The following EFHD1 variants were observed in gnomAD, a reference collection of about 807,000 sequenced individuals.
EFHD1 encodes the protein EF-hand domain family member D1.
A neutral mutation model predicts 17.2 loss-of-function variants in EFHD1; 10 were observed. The observed-to-expected ratio is 0.58, with a 90% CI of 0.36 to 0.99. The LOEUF (loss-of-function observed/expected upper bound fraction) is 0.99, where lower values mean the gene tolerates loss of function less well. Among genes scored for constraint, EFHD1 ranks in the 50% least tolerant of loss-of-function variants. The pLI is 0.01. For synonymous variants in EFHD1, 153 were observed against 142.0 expected, an observed-to-expected ratio of 1.08 and a Z score of -0.55; for missense variants, 310 against 327.5, an observed-to-expected ratio of 0.95 and a Z score of 0.41.
At chr2:232,644,052 T>C (rs1694480866) in intron 1 of EFHD1, among the ~76,000 whole-genome samples, 1 of 152,150 alleles carries the variant, frequency 6.6e-6, no homozygotes, top group South Asian at 2.1e-4. Flanking sequence ...GTGTGTGCAG[T>C]TGGTGCTGAG....
rs536585353 is a variant in EFHD1 at position 232,662,191 on chromosome 2, T to C, written c.303-611T>C. Among the ~76,000 whole-genome samples the C allele has an allele frequency of 3.3e-5, 5 of 152,160 alleles. No homozygotes were observed. In the South Asian group the frequency reaches 1.0e-3, roughly 32 times the overall value. On this transcript the variant is annotated intron_variant, in intron 1 of 3. Transcript: ENST00000264059. Reference sequence around the variant, plus strand: ...CCAGTCAGCAGAGGGGTGGCCCTGTTAGAGGACAGAGTCAGAGCCCTCTTG... The same window carrying C: ...CCAGTCAGCAGAGGGGTGGCCCTGTCAGAGGACAGAGTCAGAGCCCTCTTG...
intron 3 of EFHD1, among the ~76,000 whole-genome samples, chr2:232,675,612 G>A (rs1695158348): frequency 1.3e-5 from 2 of 152,204 alleles, no homozygotes. Context: ...GTGCAGGGGA[G>A]CCGTTGAGTG....
chr2:232,673,069 A>G (rs906775453), intron 3 of EFHD1, among the ~76,000 whole-genome samples: 17 of 152,208 alleles, frequency 1.1e-4, no homozygotes, highest in South Asian at 4.1e-4. Flanking sequence ...CTGACTTAAC[A>G]TTGATTCAGC....
At chr2:232,640,813 A>G (rs1694417979) in intron 1 of EFHD1, among the ~76,000 whole-genome samples, 1 of 152,148 alleles carries the variant, frequency 6.6e-6, no homozygotes, top group Non-Finnish European at 1.5e-5. Flanking sequence ...CGTTCTGGGC[A>G]CAGCCAGGGA....
intron 1 of EFHD1, among the ~76,000 whole-genome samples, chr2:232,654,317 T>G (rs1239045047): frequency 6.6e-6 from 1 of 151,908 alleles, no homozygotes; most frequent in African/African-American, 2.4e-5. Context: ...TGGAGAACGT[T>G]GCAGGCTTTG....
intron 1 of EFHD1, among the ~76,000 whole-genome samples, chr2:232,636,228 T>A (rs560331552): frequency 6.6e-6 from 1 of 152,336 alleles, no homozygotes; most frequent in African/African-American, 2.4e-5. Flanking sequence ...ATTTTACTCA[T>A]GGCAGCAGCA....
At chr2:232,665,176 T>G (rs1401419099) in intron 2 of EFHD1, among the ~76,000 whole-genome samples, 1 of 152,160 alleles carries the variant, frequency 6.6e-6, no homozygotes, top group African/African-American at 2.4e-5. Context: ...CCTCTGAAAT[T>G]GCAGGCAAAA....
chr2:232,671,275 TA>T (rs869127791), intron 2 of EFHD1, among the ~76,000 whole-genome samples: 489 of 131,776 alleles, frequency 3.7e-3, no homozygotes, highest in African/African-American at 4.0e-3. Flanking sequence ...CTCTACAAAT[TA>T]AAAAAAAAAA....
chr2:232,660,986 A>G (rs576403084), intron 1 of EFHD1, among the ~76,000 whole-genome samples: 22 of 152,090 alleles, frequency 1.4e-4, no homozygotes, highest in Middle Eastern at 6.8e-3. Context: ...TCAAAAACAA[A>G]ACAAAACAAA....
intron 1 of EFHD1, among the ~76,000 whole-genome samples, chr2:232,637,635 C>T (rs533216979): frequency 3.2e-4 from 48 of 152,216 alleles, no homozygotes; most frequent in Non-Finnish European, 6.6e-4. Flanking sequence ...TGAGCCACCG[C>T]GCCTGGCTTA....
rs1307898528 is a variant in EFHD1 at position 232,633,821 on chromosome 2, G to C, written c.117G>C (p.Glu39Asp). ...LGAPAPEPKP[E>D]PEPPARAPTA... ...CCCCAGCCCCGGAGCCCAAGCCCGA[G>C]CCCGAGCCTCCCGCCCGTGCGCCCA... is the stretch of plus-strand genomic sequence containing the variant. Residue 39 changes from glutamate (E) to aspartate (D), a missense_variant, in exon 1 of 4, where the codon GAG becomes GAC. Transcript: ENST00000264059. 6.8e-7 allele frequency: 1 copy of C among 1,475,688 alleles called. No homozygotes were observed. Among genetic ancestry groups the C allele is most frequent in the Non-Finnish European group, 8.9e-7 (1 of 1,122,740 alleles). 91.4% of individuals were successfully genotyped at this position (1,475,688 alleles called of 1,614,324 possible). A position where few individuals can be genotyped will look rare whatever the true frequency, so the allele number is the denominator to read the frequency against.
intron 2 of EFHD1, among the ~76,000 whole-genome samples, chr2:232,670,443 A>G (rs1400160742): frequency 1.3e-5 from 2 of 151,952 alleles, no homozygotes; most frequent in African/African-American, 4.8e-5. Context: ...TGCATCTCAA[A>G]AAAAAAAAGG....
chr2:232,633,334 G>T (rs997517351), upstream of EFHD1: 5 of 426,722 alleles, frequency 1.2e-5, no homozygotes, highest in Non-Finnish European at 1.7e-5. Flanking sequence ...GGTTTTCCCC[G>T]GAGCTGACAG....
chr2:232,656,380 T>C (rs1300182838), intron 1 of EFHD1, among the ~76,000 whole-genome samples: 1 of 151,784 alleles, frequency 6.6e-6, no homozygotes, highest in Non-Finnish European at 1.5e-5. Context: ...TCTCAAAACC[T>C]GTGCTGGGAA....
At chr2:232,677,960 TATATC>T (rs1695208238) in intron 3 of EFHD1, among the ~76,000 whole-genome samples, 1 of 152,106 alleles carries the variant, frequency 6.6e-6, no homozygotes, top group Admixed American at 6.6e-5. Context: ...AAAAAAGAAT[TATATC>T]AATGAATGTA....
chr2:232,671,297 G>A (rs1034400082), intron 2 of EFHD1, among the ~76,000 whole-genome samples: 2 of 151,366 alleles, frequency 1.3e-5, no homozygotes, highest in East Asian at 2.0e-4. Flanking sequence ...AAATTAGCCA[G>A]GTGTGGTGGC....
chr2:232,640,211 A>G (rs1392358260), intron 1 of EFHD1, among the ~76,000 whole-genome samples: 1 of 152,116 alleles, frequency 6.6e-6, no homozygotes, highest in Non-Finnish European at 1.5e-5. Context: ...CCAAGGCTGC[A>G]GAGGTTCTGT....
At chr2:232,613,927 C>T (rs917035628) in intron 1 of EFHD1, among the ~76,000 whole-genome samples, 12 of 151,538 alleles carry the variant, frequency 7.9e-5, no homozygotes, top group African/African-American at 2.9e-4. Flanking sequence ...CAAATATATA[C>T]ACATACCCAT....
Position 232,672,361 on chromosome 2 carries a change from G to T in EFHD1, c.503G>T (p.Gly168Val), listed in dbSNP as rs371106603. 5.5e-5 allele frequency: 88 copies of T among 1,614,174 alleles called. 1 individual carries two copies. The East Asian group carries it at 1.2e-3, about 21-fold the overall frequency. Residue 168 changes from glycine (G) to valine (V), a missense_variant, in exon 3 of 4, where the codon GGG (glycine) becomes GTG (valine). Coordinates refer to ENST00000264059, the MANE Select transcript of EFHD1 (RefSeq NM_025202.4). ...AAAGELQEDS[G>V]LMALAKLSEI... ...GCAGGGGAGCTGCAGGAGGACAGTG[G>T]GCTGATGGCGCTGGCAAAGCTTTCT...
Sources: gnomAD v4.1 joint callset for allele counts (sites outside exome capture counted in the v4.1 genomes callset) on GRCh38, gnomAD v4.1.1 for gene constraint, MANE v1.5 for transcripts, NCBI Gene and HGNC (gene_info 2026-07-23, HGNC 2026-07-21) for gene names.